HOMER2: variants seen among roughly 807,000 people sequenced by gnomAD.
HOMER2 encodes homer scaffold protein 2, also known as homer protein homolog 2.
HOMER2 carries 27 observed loss-of-function variants against 47.0 expected under a neutral mutation model. That is an observed-to-expected ratio of 0.57 (90% confidence interval 0.42 to 0.79). HOMER2 has a LOEUF of 0.79. Among genes scored for constraint, HOMER2 ranks in the 30% least tolerant of loss-of-function variants. The pLI is 0.00. For synonymous variants in HOMER2, 161 were observed against 163.8 expected, an observed-to-expected ratio of 0.98 and a Z score of 0.13; for missense variants, 443 against 435.0, an observed-to-expected ratio of 1.02 and a Z score of -0.16.
chr15:82,875,425 G>A lies in HOMER2; in HGVS notation c.163-21C>T, dbSNP rs78601152. 9,173 of 1,612,746 alleles carry A rather than the reference G, an allele frequency of 5.7e-3. 41 individuals are homozygous for A. The highest frequency in any genetic ancestry group is 7.9e-3 in the Admixed American group (472 of 59,912). On this transcript the variant is annotated intron_variant, in intron 2 of 8. Coordinates refer to ENST00000450735, the MANE Select transcript of HOMER2 (RefSeq NM_004839.4). The stretch of plus-strand genomic sequence containing the variant: ...ATCACCTGCAGAAAAACAGCCCAAA[G>A]AGTGAAAATTTAAATGTTGAATGAG...
intron 1 of HOMER2, among the ~76,000 whole-genome samples, chr15:82,902,197 A>AT (rs35594463): frequency 0.014 from 1,849 of 135,038 alleles, 24 homozygotes; most frequent in East Asian, 0.035. Context: ...CATCCAAGTG[A>AT]TTTTTTTTTT....
intron 1 of HOMER2, among the ~76,000 whole-genome samples, chr15:82,959,615 A>G (rs1402966883): frequency 6.6e-6 from 1 of 152,196 alleles, no homozygotes; most frequent in Non-Finnish European, 1.5e-5. Flanking sequence ...TTGACAAAAT[A>G]CCAGTGCCAG....
chr15:82,851,774 T>C (rs1443227363), intron 7 of HOMER2, among the ~76,000 whole-genome samples: 1 of 152,134 alleles, frequency 6.6e-6, no homozygotes, highest in African/African-American at 2.4e-5. Flanking sequence ...ATAAAATAAA[T>C]ACATTTTAAA....
intron 1 of HOMER2, 124 bp from the exon 2 acceptor site, chr15:82,892,965 A>C (rs1256461183): frequency 4.4e-6 from 3 of 682,702 alleles, no homozygotes; most frequent in African/African-American, 1.8e-5. Flanking sequence ...CATATGCATG[A>C]AGACAATTAA....
At chr15:82,867,826 C>T (rs958535474) in intron 3 of HOMER2, among the ~76,000 whole-genome samples, 1 of 152,156 alleles carries the variant, frequency 6.6e-6, no homozygotes, top group African/African-American at 2.4e-5. Flanking sequence ...AAAAGGCCCT[C>T]AATACCAAGA....
rs191160652 is a variant in HOMER2 at position 82,841,260 on chromosome 15, A to C, written c.*6014T>G. On this transcript the variant is annotated 3_prime_UTR_variant, in exon 2 of 2. Coordinates refer to the HOMER2 transcript ENST00000558090. ...TAAAAGAATAGTATACTATGACTACATCAGATTCTTGTAGAAATGCAGAGA... is the reference window on the plus strand; with the variant it reads ...TAAAAGAATAGTATACTATGACTACCTCAGATTCTTGTAGAAATGCAGAGA... 239 of 152,302 alleles carry C rather than the reference A, an allele frequency of 1.6e-3. 2 individuals are homozygous for C. The highest frequency in any genetic ancestry group is 5.4e-3 in the African/African-American group (225 of 41,572). The allele number at this position is 152,302 out of a possible 1,614,324, so 9.4% of individuals were successfully genotyped here. A position where few individuals can be genotyped will look rare whatever the true frequency, so the allele number is the denominator to read the frequency against.
intron 1 of HOMER2, among the ~76,000 whole-genome samples, chr15:82,898,772 AAGAG>A (rs546856239): frequency 2.6e-5 from 4 of 152,236 alleles, no homozygotes; most frequent in Non-Finnish European, 4.4e-5. Context: ...GCAAAGAAAC[AAGAG>A]AGAGAGAAAT....
intron 1 of HOMER2, among the ~76,000 whole-genome samples, chr15:82,903,768 G>A (rs2053203896): frequency 6.6e-6 from 1 of 152,232 alleles, no homozygotes; most frequent in South Asian, 2.1e-4. Flanking sequence ...GCCAGGGCGG[G>A]CAGATGGCTT....
intron 2 of HOMER2, among the ~76,000 whole-genome samples, chr15:82,876,803 T>C (rs887269472): frequency 3.3e-5 from 5 of 152,238 alleles, no homozygotes; most frequent in African/African-American, 1.2e-4. Flanking sequence ...CTTTCTGTGG[T>C]AGGAACCTGA....
chr15:82,850,989 A>G (rs939577393), intron 8 of HOMER2, among the ~76,000 whole-genome samples, 162 bp downstream of exon 8: 2 of 152,250 alleles, frequency 1.3e-5, no homozygotes, highest in African/African-American at 4.8e-5. Context: ...GCAGGGGTGG[A>G]TGCGGTGCCA....
At chr15:82,869,692 A>T (rs2151057959) in intron 3 of HOMER2, among the ~76,000 whole-genome samples, 1 of 152,194 alleles carries the variant, frequency 6.6e-6, no homozygotes, top group African/African-American at 2.4e-5. Flanking sequence ...TCTTGACCTC[A>T]GGTGATCCAC....
upstream of HOMER2, among the ~76,000 whole-genome samples, chr15:82,954,055 GAA>G (rs2054559464): frequency 6.6e-6 from 1 of 151,996 alleles, no homozygotes; most frequent in Non-Finnish European, 1.5e-5. Context: ...CTAGCCTGGT[GAA>G]AAGAGCCAGA....
chr15:82,911,174 C>G (rs2053442844), intron 1 of HOMER2, among the ~76,000 whole-genome samples: 1 of 152,200 alleles, frequency 6.6e-6, no homozygotes, highest in African/African-American at 2.4e-5. Context: ...CTCTCTCTCC[C>G]TATTACCATC....
intron 2 of HOMER2, among the ~76,000 whole-genome samples, chr15:82,876,048 C>T (rs1567028410): frequency 6.6e-6 from 1 of 152,178 alleles, no homozygotes; most frequent in Admixed American, 6.5e-5. Context: ...AGGCTACAGA[C>T]CCTGGGAGGG....
chr15:82,849,696 G>C lies in HOMER2; in HGVS notation c.*19C>G. ...CACACGCTTGGGACTCACGGGCGGGGCCTGGGCCTCGGCCAGCCCTAGTTA... is the reference window on the plus strand; with the variant it reads ...CACACGCTTGGGACTCACGGGCGGGCCCTGGGCCTCGGCCAGCCCTAGTTA... On this transcript the variant is annotated 3_prime_UTR_variant, in exon 9 of 9. Coordinates refer to ENST00000450735, the MANE Select transcript of HOMER2 (RefSeq NM_004839.4). 6.2e-7 allele frequency: 1 copy of C among 1,606,558 alleles called. No homozygotes were observed. Among genetic ancestry groups the C allele is most frequent in the Admixed American group, 1.7e-5 (1 of 58,904 alleles).
rs117940181 is a variant in HOMER2 at position 82,876,703 on chromosome 15, G to A, written c.163-1299C>T. Among the ~76,000 whole-genome samples the A allele has an allele frequency of 1.5e-4, 23 of 152,324 alleles. No homozygotes were observed. The East Asian group carries it at 3.9e-3, about 26-fold the overall frequency. ...CCTACCAGCAATTTTACTTACTAAG[G>A]TTGTTTATTCTCAATGGTCAACTCA... On this transcript the variant is annotated intron_variant, in intron 2 of 8. Coordinates refer to ENST00000450735, the MANE Select transcript of HOMER2 (RefSeq NM_004839.4).
At chr15:82,866,812 C>A (rs2051983884) in intron 3 of HOMER2, among the ~76,000 whole-genome samples, 1 of 152,202 alleles carries the variant, frequency 6.6e-6, no homozygotes, top group South Asian at 2.1e-4. Context: ...GTGAGGCCTT[C>A]CCAGCCACGT....
chr15:82,902,279 C>A (rs1182316287), intron 1 of HOMER2, among the ~76,000 whole-genome samples: 1 of 150,194 alleles, frequency 6.7e-6, no homozygotes, highest in Non-Finnish European at 1.5e-5. Flanking sequence ...CTCACTGCAA[C>A]CTCTGCCTCC....
At chr15:82,927,864 G>A (rs1596361158) in intron 1 of HOMER2, among the ~76,000 whole-genome samples, 2 of 151,942 alleles carry the variant, frequency 1.3e-5, no homozygotes, top group East Asian at 1.9e-4. Flanking sequence ...CAGCTACTTC[G>A]GAGGCTGAGG....
Sources: allele counts gnomAD v4.1 joint callset (sites outside exome capture counted in the v4.1 genomes callset), GRCh38; gene constraint gnomAD v4.1.1; transcripts MANE v1.5; gene names NCBI Gene and HGNC (gene_info 2026-07-23, HGNC 2026-07-21).